RYR3: variants seen among roughly 807,000 people sequenced by gnomAD.
The protein encoded by RYR3 is ryanodine receptor 3, also known as brain ryanodine receptor-calcium release channel.
In RYR3, 207 loss-of-function variants were observed where a neutral mutation model predicts 584.3. The observed-to-expected ratio is 0.35, with a 90% CI of 0.32 to 0.40. RYR3 has a LOEUF of 0.40. Among genes scored for constraint, RYR3 ranks in the 10% least tolerant of loss-of-function variants. The probability of loss-of-function intolerance (pLI) is 1.00; values close to 1 mark genes in which losing one functional copy is unlikely to be tolerated. For synonymous variants in RYR3, 2,416 were observed against 2,248.5 expected, an observed-to-expected ratio of 1.07 and a Z score of -2.11; for missense variants, 5,616 against 6,089.2, an observed-to-expected ratio of 0.92 and a Z score of 2.59.
At chr15:33,376,735 A>G (rs1003217861) in intron 1 of RYR3, among the ~76,000 whole-genome samples, 1 of 152,216 alleles carries the variant, frequency 6.6e-6, no homozygotes, top group East Asian at 1.9e-4. Flanking sequence ...GTTCTCTTCT[A>G]GAAGTTTTAT....
chr15:33,545,511 A>C (rs2056170202), intron 8 of RYR3, among the ~76,000 whole-genome samples: 1 of 152,136 alleles, frequency 6.6e-6, no homozygotes, highest in East Asian at 1.9e-4. Context: ...AAAATCATCA[A>C]ACAAAATAAG....
chr15:33,735,358 TTTG>T (rs1173131445), intron 48 of RYR3, among the ~76,000 whole-genome samples: 1 of 152,230 alleles, frequency 6.6e-6, no homozygotes. Flanking sequence ...ACAGACGACT[TTTG>T]TTCTCCATCT....
intron 23 of RYR3, among the ~76,000 whole-genome samples, chr15:33,632,117 C>G (rs1280878920): frequency 6.6e-6 from 1 of 152,260 alleles, no homozygotes; most frequent in Non-Finnish European, 1.5e-5. Context: ...AGAACTTTAT[C>G]TTATACCTAC....
intron 44 of RYR3, 101 bp from the exon 45 acceptor site, chr15:33,723,964 T>C (rs2068142570): frequency 1.5e-6 from 1 of 650,954 alleles, no homozygotes; most frequent in South Asian, 1.9e-5. Flanking sequence ...ATGTATGATA[T>C]GCAAGAAGAG....
chr15:33,385,797 G>A (rs567781462), intron 1 of RYR3, among the ~76,000 whole-genome samples: 1 of 146,130 alleles, frequency 6.8e-6, no homozygotes, highest in Admixed American at 7.1e-5. Context: ...TCCAACTCCT[G>A]GGCTCAAGCA....
At chr15:33,701,874 G>C (rs978944544) in intron 42 of RYR3, among the ~76,000 whole-genome samples, 2 of 152,182 alleles carry the variant, frequency 1.3e-5, no homozygotes, top group African/African-American at 4.8e-5. Context: ...AGTATGGCGT[G>C]CTGGGGAATA....
At chr15:33,858,189 C>T (rs988160715) in intron 99 of RYR3, 20 of 381,432 alleles carry the variant, frequency 5.2e-5, no homozygotes, top group South Asian at 1.3e-4. Flanking sequence ...CATCTATTTC[C>T]GGGGTAAAGA....
At chr15:33,535,529 T>G (rs2055250546) in intron 5 of RYR3, among the ~76,000 whole-genome samples, 2 of 152,254 alleles carry the variant, frequency 1.3e-5, no homozygotes, top group Admixed American at 1.3e-4. Context: ...AATTACAAAG[T>G]GAGTGAAGTG....
At position 33,848,283 on chromosome 15, in the gene RYR3, A is replaced by G. The variant is rs2152991544; in HGVS notation, c.13498-8A>G. On this transcript the variant is annotated splice_polypyrimidine_tract_variant and splice_region_variant and intron_variant, in intron 93 of 103. Transcript: ENST00000634891. The stretch of plus-strand genomic sequence containing the variant: ...TGCTCTGAGTAACCATCCTCCTCCC[A>G]CTCCTAGGTGCCTTTGGTGGTTTTC... 1.9e-6 allele frequency: 3 copies of G among 1,613,104 alleles called. No homozygotes were observed. The highest frequency in any genetic ancestry group is 1.7e-5 in the Admixed American group (1 of 59,976).
rs569691691 is a variant in RYR3 at position 33,366,225 on chromosome 15, A to G, written c.51+55129A>G. Among the ~76,000 whole-genome samples the G allele has an allele frequency of 3.9e-5, 6 of 152,300 alleles. No individual in the cohort carries two copies. The East Asian group carries it at 1.2e-3, about 29-fold the overall frequency. ...TTATGAATTAATTAACTTGAAAAATATGGGTTGATTATTTACTATTGATTG... is the reference window on the plus strand; with the variant it reads ...TTATGAATTAATTAACTTGAAAAATGTGGGTTGATTATTTACTATTGATTG... On this transcript the variant is annotated intron_variant, in intron 1 of 103. Coordinates refer to ENST00000634891, the MANE Select transcript of RYR3 (RefSeq NM_001036.6).
intron 1 of RYR3, among the ~76,000 whole-genome samples, chr15:33,419,539 G>A (rs892727960): frequency 1.3e-5 from 2 of 151,970 alleles, no homozygotes; most frequent in African/African-American, 2.4e-5. Context: ...CTTTCATTTG[G>A]AACTTAGTTT....
rs577574102 is a variant in RYR3 at position 33,695,546 on chromosome 15, G to A, written c.5861-672G>A. On this transcript the variant is annotated intron_variant, in intron 38 of 103. Transcript: ENST00000634891. ...GCAGTGTCAGCTGACTCTTGCCAAA[G>A]ATCCAGTGCAAAAAAAGGCTGTTCA... Among the ~76,000 whole-genome samples the A allele has an allele frequency of 1.4e-4, 22 of 152,154 alleles. No homozygotes were observed. The East Asian group carries it at 3.5e-3, about 24-fold the overall frequency.
Position 33,644,595 on chromosome 15 carries a change from A to G in RYR3, c.3765+76A>G, listed in dbSNP as rs2061996121. On this transcript the variant is annotated intron_variant, in intron 28 of 103. Transcript: ENST00000634891. ...CTAAGCTTGCCCTAAGTCTCCTGTC[A>G]ACAGGCAGCTGCTTACCTAAGTCTA... 3.7e-6 allele frequency: 4 copies of G among 1,090,752 alleles called. No individual in the cohort carries two copies. In the African/African-American group the frequency reaches 6.2e-5, roughly 17 times the overall value. 67.6% of individuals were successfully genotyped at this position (1,090,752 alleles called of 1,614,324 possible). A position where few individuals can be genotyped will look rare whatever the true frequency, so the allele number is the denominator to read the frequency against.
chr15:33,848,228 C>T, intron 93 of RYR3, 63 bp from the exon 94 acceptor site: 7 of 1,598,198 alleles, frequency 4.4e-6, no homozygotes, highest in Admixed American at 1.7e-5. Flanking sequence ...GTGACAAATA[C>T]CTGGGAGCAG....
rs760151670 is a variant in RYR3 at position 33,311,143 on chromosome 15, C to A, written c.51+47C>A. ...GAGGCCGTGGGCAGGTGGGGAGGAGCGCGGAGCGCGGCGAGGAGGGGCTGG... is the reference window on the plus strand; with the variant it reads ...GAGGCCGTGGGCAGGTGGGGAGGAGAGCGGAGCGCGGCGAGGAGGGGCTGG... On this transcript the variant is annotated intron_variant, in intron 1 of 103. Transcript: ENST00000634891. This position sits in a 1 kb window ranked among gnomAD's most constrained non-coding sequence, Gnocchi z 4.4. 1.2e-5 allele frequency: 17 copies of A among 1,454,770 alleles called. No individual in the cohort carries two copies. Among genetic ancestry groups the A allele is most frequent in the Non-Finnish European group, 1.6e-5 (17 of 1,078,638 alleles). The allele number at this position is 1,454,770 out of a possible 1,614,324, so 90.1% of individuals were successfully genotyped here. A position where few individuals can be genotyped will look rare whatever the true frequency, so the allele number is the denominator to read the frequency against.
At chr15:33,659,648 C>T in intron 32 of RYR3, 72 bp from the exon 33 acceptor site, 1 of 958,924 alleles carries the variant, frequency 1.0e-6, no homozygotes. Flanking sequence ...TTGACCAAAA[C>T]ACCCAATGGC....
rs1307756007 is a variant in RYR3 at position 33,390,066 on chromosome 15, G to A, written c.51+78970G>A. ...TATGTAAATTATTGCTGAAAACATG[G>A]TTTATGTTTGTGGTAAATGAAATTT... On this transcript the variant is annotated intron_variant, in intron 1 of 103. Coordinates refer to ENST00000634891, the MANE Select transcript of RYR3 (RefSeq NM_001036.6). This position sits in a 1 kb window ranked among gnomAD's most constrained non-coding sequence, Gnocchi z 4.2. Among the ~76,000 whole-genome samples the A allele has an allele frequency of 6.6e-6, 1 of 152,164 alleles. No homozygotes were observed. Among genetic ancestry groups the A allele is most frequent in the East Asian group, 1.9e-4 (1 of 5,194 alleles).
At chr15:33,765,222 G>A (rs60327762) in intron 60 of RYR3, among the ~76,000 whole-genome samples, 2,471 of 152,170 alleles carry the variant, frequency 0.016, 62 homozygotes, top group African/African-American at 0.056. Context: ...AGAGGGGATA[G>A]GTCATGATTG....
At position 33,697,962 on chromosome 15, in the gene RYR3, T is replaced by G; in HGVS notation, c.6215T>G (p.Val2072Gly). Residue 2072 changes from valine (V) to glycine (G), a missense_variant, in exon 40 of 104, where the codon GTG becomes GGG. Val to Gly is a moderately radical substitution (Grantham distance 109, BLOSUM62 -3). Around this residue, in one of 9 missense-constraint regions of RYR3, gnomAD observed 1,280 missense variants for 1,426.2 expected, o/e 0.90. Coordinates refer to ENST00000634891, the MANE Select transcript of RYR3 (RefSeq NM_001036.6). ...GGCATGCACGAGACGGTGATGGAGG[T>G]GATGGTGAACGTGTTGGGTACAGAG... ...VLGMHETVME[V>G]MVNVLGTEKS... 1 of 1,613,208 alleles carries G rather than the reference T, an allele frequency of 6.2e-7. No individual in the cohort carries two copies. The highest frequency in any genetic ancestry group is 8.5e-7 in the Non-Finnish European group (1 of 1,179,510).
Sources: gnomAD v4.1 joint callset for allele counts (sites outside exome capture counted in the v4.1 genomes callset) on GRCh38, gnomAD v4.1.1 for gene constraint, gnomAD v4.1.1 regional missense constraint, Gnocchi (gnomAD v3.1) non-coding constraint, MANE v1.5 for transcripts, NCBI Gene and HGNC (gene_info 2026-07-23, HGNC 2026-07-21) for gene names.